The following ARHGEF3 variants were observed in gnomAD, a reference collection of about 807,000 sequenced individuals.
ARHGEF3 encodes Rho guanine nucleotide exchange factor 3.
A neutral mutation model predicts 63.2 loss-of-function variants in ARHGEF3; 28 were observed. The observed-to-expected ratio is 0.44, with a 90% CI of 0.33 to 0.61. The LOEUF (loss-of-function observed/expected upper bound fraction) is 0.61. Among genes scored for constraint, ARHGEF3 ranks in the 20% least tolerant of loss-of-function variants. The probability of loss-of-function intolerance (pLI) is 0.03; values close to 1 mark genes in which losing one functional copy is unlikely to be tolerated. For missense variants in ARHGEF3, 533 were observed against 659.3 expected (o/e 0.81, Z 2.10); for synonymous variants, 266 against 254.2 (o/e 1.05, Z -0.44).
Position 56,864,156 on chromosome 3 carries a change from T to C in ARHGEF3, c.192+18136A>G, listed in dbSNP as rs540300676. Among the ~76,000 whole-genome samples the C allele has an allele frequency of 2.6e-5, 4 of 152,314 alleles. 1 individual carries two copies. The South Asian group carries it at 8.3e-4, about 32-fold the overall frequency. ...GGAATGAAAGCATAAATGACACCCC[T>C]GCCTAACACATCCCCTTCCTAGTGA... On this transcript the variant is annotated intron_variant, in intron 4 of 12. Transcript: ENST00000338458.
At chr3:56,731,958 TTAAGGAGCAC>T in intron 9 of ARHGEF3, 1 of 580,328 alleles carries the variant, frequency 1.7e-6, no homozygotes, top group Admixed American at 3.1e-5. Context: ...GAAAGGGAAC[TTAAGGAGCAC>T]TAACTATGTG....
chr3:57,035,268 T>G lies in ARHGEF3; in HGVS notation c.-27-92A>C, dbSNP rs919798673. The G allele has an allele frequency of 4.7e-6, 3 of 643,394 alleles. No homozygotes were observed. In the African/African-American group the frequency reaches 5.6e-5, roughly 12 times the overall value. The allele number at this position is 643,394 out of a possible 1,614,324, so 39.9% of individuals were successfully genotyped here. The stretch of plus-strand genomic sequence containing the variant: ...AGCTGCATTAAATACAAGGGGAATA[T>G]ATCAAGGGTTACCCAGTGTCCACCA... On this transcript the variant is annotated intron_variant, in intron 1 of 12. Transcript: ENST00000338458.
At chr3:56,746,602 C>T (rs890273702) in intron 6 of ARHGEF3, among the ~76,000 whole-genome samples, 1 of 152,000 alleles carries the variant, frequency 6.6e-6, no homozygotes, top group Non-Finnish European at 1.5e-5. Flanking sequence ...TGGTGGCACA[C>T]ACCTGTAATC....
intron 2 of ARHGEF3, among the ~76,000 whole-genome samples, chr3:56,761,399 C>T (rs997426159): frequency 6.6e-6 from 1 of 151,018 alleles, no homozygotes; most frequent in African/African-American, 2.4e-5. Flanking sequence ...ACATCCCTAT[C>T]AGCATCCCTG....
chr3:56,777,379 G>T (rs531411064), intron 1 of ARHGEF3, among the ~76,000 whole-genome samples: 1 of 152,318 alleles, frequency 6.6e-6, no homozygotes, highest in African/African-American at 2.4e-5. Context: ...TAAAGAAACT[G>T]ATTTGACAAT....
intron 2 of ARHGEF3, among the ~76,000 whole-genome samples, chr3:56,960,151 A>T (rs915124350): frequency 1.3e-5 from 2 of 151,776 alleles, no homozygotes; most frequent in African/African-American, 4.8e-5. Flanking sequence ...AAGAGATAAA[A>T]TACAAGGTAA....
At chr3:57,014,969 G>A (rs1328417357) in intron 2 of ARHGEF3, among the ~76,000 whole-genome samples, 1 of 151,606 alleles carries the variant, frequency 6.6e-6, no homozygotes, top group Non-Finnish European at 1.5e-5. Context: ...ACAGGCGTGA[G>A]CCACTGTGCC....
chr3:56,995,105 T>A (rs541977147), intron 2 of ARHGEF3, among the ~76,000 whole-genome samples: 1 of 152,192 alleles, frequency 6.6e-6, no homozygotes, highest in East Asian at 1.9e-4. Context: ...CTTTTCTTTA[T>A]AAATTACCCA....
rs1397633344 is a variant in ARHGEF3, at chr3:57,072,430, C to G, written c.-28+6796G>C. On this transcript the variant is annotated intron_variant, in intron 1 of 12. Transcript: ENST00000338458. Reference sequence around the variant, plus strand: ...ACATTAGTTGTTAGCACTGTCCAGGCCAAATAAAGAATTAAAAAAAAAAAA... The same window carrying G: ...ACATTAGTTGTTAGCACTGTCCAGGGCAAATAAAGAATTAAAAAAAAAAAA... Among the ~76,000 whole-genome samples the G allele has an allele frequency of 3.6e-5, 5 of 140,748 alleles. No homozygotes were observed. In the South Asian group the frequency reaches 1.2e-3, roughly 35 times the overall value. 92.3% of individuals were successfully genotyped at this position (140,748 alleles called of 152,430 possible).
In ARHGEF3 at chr3:56,853,619, G is replaced by A. The variant is rs2039755055; in HGVS notation, c.192+28673C>T. Among the ~76,000 whole-genome samples the A allele has an allele frequency of 1.3e-5, 2 of 152,220 alleles. 1 individual carries two copies. The highest frequency in any genetic ancestry group is 4.1e-4 in the South Asian group (2 of 4,828). ...CAAAGTGCTGGGATTACAAGTGTGA[G>A]TCACCATGCCCGGCTCAATTTTTAT... is the stretch of plus-strand genomic sequence containing the variant. On this transcript the variant is annotated intron_variant, in intron 4 of 12. Coordinates refer to the ARHGEF3 transcript ENST00000338458.
intron 3 of ARHGEF3, among the ~76,000 whole-genome samples, chr3:56,911,557 G>A (rs1346892356): frequency 1.3e-5 from 2 of 152,038 alleles, no homozygotes; most frequent in African/African-American, 2.4e-5. Flanking sequence ...TGCCCGCTCC[G>A]AGTCACACGT....
chr3:56,796,538 G>A lies in ARHGEF3; in HGVS notation c.96+5165C>T, dbSNP rs118095002. Among the ~76,000 whole-genome samples, 1,259 of 152,338 alleles carry A rather than the reference G, an allele frequency of 8.3e-3. 51 individuals are homozygous for A. In the East Asian group the frequency reaches 0.089, roughly 11 times the overall value. ...ATGGGGGCTTGCAAATCCCACTCCC[G>A]TGGGTTGCAGCCGTTCTATGAAGTG... On this transcript the variant is annotated intron_variant, in intron 1 of 9. Transcript: ENST00000296315.
chr3:56,819,049 T>C (rs528076692), intron 4 of ARHGEF3, among the ~76,000 whole-genome samples: 255 of 152,250 alleles, frequency 1.7e-3, no homozygotes, highest in Non-Finnish European at 2.6e-3. Flanking sequence ...ACTTAAAGAA[T>C]TTTTTTATAC....
intron 2 of ARHGEF3, among the ~76,000 whole-genome samples, chr3:57,026,388 G>A (rs920162538): frequency 2.6e-5 from 4 of 152,242 alleles, no homozygotes; most frequent in East Asian, 3.9e-4. Context: ...ATGACAGAGC[G>A]AGACTCTGTC....
intron 4 of ARHGEF3, among the ~76,000 whole-genome samples, chr3:56,821,573 G>T (rs1224847926): frequency 6.6e-6 from 1 of 152,144 alleles, no homozygotes; most frequent in Admixed American, 6.5e-5. Flanking sequence ...ATTGATGACA[G>T]TAAAAACTAC....
At chr3:57,069,909 T>G (rs1219490670) in intron 1 of ARHGEF3, among the ~76,000 whole-genome samples, 1 of 152,214 alleles carries the variant, frequency 6.6e-6, no homozygotes, top group Non-Finnish European at 1.5e-5. Context: ...CCTCCCAAAG[T>G]GCTGGGATTA....
intron 2 of ARHGEF3, among the ~76,000 whole-genome samples, chr3:56,994,847 G>A (rs1388230533): frequency 6.6e-6 from 1 of 152,042 alleles, no homozygotes; most frequent in African/African-American, 2.4e-5. Flanking sequence ...TCAGGGGAAG[G>A]GCCTGGTGAG....
At chr3:57,021,383 T>C (rs1462956240) in intron 2 of ARHGEF3, among the ~76,000 whole-genome samples, 1 of 152,062 alleles carries the variant, frequency 6.6e-6, no homozygotes, top group Non-Finnish European at 1.5e-5. Flanking sequence ...CTGCATCACA[T>C]CTCCTAGGGA....
At chr3:56,999,150 A>G (rs1396353035) in intron 2 of ARHGEF3, among the ~76,000 whole-genome samples, 1 of 151,934 alleles carries the variant, frequency 6.6e-6, no homozygotes, top group Non-Finnish European at 1.5e-5. Context: ...CCCGGGTTCA[A>G]GTGATTCTCT....
Sources: gnomAD v4.1 joint callset for allele counts (sites outside exome capture counted in the v4.1 genomes callset) on GRCh38, gnomAD v4.1.1 for gene constraint, MANE v1.5 for transcripts, NCBI Gene and HGNC (gene_info 2026-07-23, HGNC 2026-07-21) for gene names.